Variants in AGTPBP1 observed in about 807,000 individuals in gnomAD.
AGTPBP1 encodes the protein ATP/GTP binding carboxypeptidase 1.
A neutral mutation model predicts 143.9 loss-of-function variants in AGTPBP1; 70 were observed. The observed-to-expected ratio is 0.49, with a 90% CI of 0.40 to 0.59. AGTPBP1 has a LOEUF of 0.59. Ranked by LOEUF, AGTPBP1 falls within the 20% of genes least tolerant of loss-of-function variation. AGTPBP1 has a pLI of 0.00. For missense variants in AGTPBP1, 1,229 were observed against 1,464.5 expected, an observed-to-expected ratio of 0.84 and a Z score of 2.62; for synonymous variants, 463 against 500.2, an observed-to-expected ratio of 0.93 and a Z score of 0.99.
At chr9:85,645,616 A>G (rs1832765055) in intron 12 of AGTPBP1, among the ~76,000 whole-genome samples, 1 of 152,166 alleles carries the variant, frequency 6.6e-6, no homozygotes, top group African/African-American at 2.4e-5. Context: ...TTGCAAGACA[A>G]AAATTGGTCC....
At chr9:85,559,959 G>A (rs777171185) in intron 25 of AGTPBP1, among the ~76,000 whole-genome samples, 10 of 152,044 alleles carry the variant, frequency 6.6e-5, no homozygotes, top group Non-Finnish European at 1.5e-4. Flanking sequence ...ATAAATCTCC[G>A]TATTTTCACT....
chr9:85,777,150 G>GTGAGTAACT, the AGTPBP1 span, among the ~76,000 whole-genome samples: 5 of 152,160 alleles, frequency 3.3e-5, no homozygotes. Flanking sequence ...TAGCCATAAA[G>GTGAGTAACT]TGAGTAACTT....
At chr9:85,620,663 C>G (rs1008562679) in intron 15 of AGTPBP1, among the ~76,000 whole-genome samples, 1 of 152,018 alleles carries the variant, frequency 6.6e-6, no homozygotes, top group Non-Finnish European at 1.5e-5. Flanking sequence ...TAGTAAATGA[C>G]TAACACATCA....
chr9:85,709,934 A>G (rs907579574), intron 2 of AGTPBP1, among the ~76,000 whole-genome samples: 3 of 152,132 alleles, frequency 2.0e-5, no homozygotes, highest in Non-Finnish European at 4.4e-5. Flanking sequence ...TAATCTATCT[A>G]ATTAGAATCT....
At position 85,547,013 on chromosome 9, in the gene AGTPBP1, C is replaced by A; in HGVS notation, c.*96G>T. 7.8e-7 allele frequency: 1 copy of A among 1,283,624 alleles called. No homozygotes were observed. The highest frequency in any genetic ancestry group is 2.2e-5 in the South Asian group (1 of 46,244). The allele number at this position is 1,283,624 out of a possible 1,614,324, so 79.5% of individuals were successfully genotyped here. A position where few individuals can be genotyped will look rare whatever the true frequency, so the allele number is the denominator to read the frequency against. ...CAAGTTACTTTTTGTCTTTTTGAGT[C>A]AGCTCTGTATAAACTCATTTCTCTC... is the stretch of plus-strand genomic sequence containing the variant. On this transcript the variant is annotated 3_prime_UTR_variant, in exon 26 of 26. Transcript: ENST00000357081.
the AGTPBP1 span, among the ~76,000 whole-genome samples, chr9:85,769,615 C>T: frequency 4.6e-5 from 7 of 151,958 alleles, no homozygotes; most frequent in East Asian, 1.4e-3. Flanking sequence ...ATTACGTTGC[C>T]CTATTTTTAA....
Position 85,585,529 on chromosome 9 carries a change from T to C in AGTPBP1, c.3099A>G (p.Lys1033=). 1 of 1,611,776 alleles carries C rather than the reference T, an allele frequency of 6.2e-7. No individual in the cohort carries two copies. Among genetic ancestry groups the C allele is most frequent in the South Asian group, 1.1e-5 (1 of 90,700 alleles). The part of the protein sequence containing the change: ...KNVFMYGCSI[K]ETVWHTNDNA... Reference sequence around the variant, plus strand: ...TATCATTGGTATGCCACACTGTCTCTTTGATGCTGCAACCATACATAAATA... The same window carrying C: ...TATCATTGGTATGCCACACTGTCTCCTTGATGCTGCAACCATACATAAATA... The change falls in exon 23 of 26, where the codon AAA becomes AAG. Residue 1033 remains lysine, a synonymous_variant. Coordinates refer to ENST00000357081, the MANE Select transcript of AGTPBP1 (RefSeq NM_001330701.2).
At chr9:85,693,087 A>G (rs1204792122) in intron 2 of AGTPBP1, among the ~76,000 whole-genome samples, 1 of 152,186 alleles carries the variant, frequency 6.6e-6, no homozygotes, top group Non-Finnish European at 1.5e-5. Context: ...TCACACCTGG[A>G]AAGTTCACCT....
At chr9:85,600,599 GA>G (rs1268842287) in intron 17 of AGTPBP1, among the ~76,000 whole-genome samples, 3 of 152,118 alleles carry the variant, frequency 2.0e-5, no homozygotes, top group Non-Finnish European at 4.4e-5. Flanking sequence ...GGGTAAGTGA[GA>G]TTCTCAGTGG....
chr9:85,692,272 ATT>A (rs1255296569), intron 3 of AGTPBP1, among the ~76,000 whole-genome samples: 68 of 135,722 alleles, frequency 5.0e-4, no homozygotes, highest in Admixed American at 6.0e-4. Context: ...AGAAAGTTTG[ATT>A]TTTTTTTTTT....
At chr9:85,612,423 C>T (rs1830367649) in intron 17 of AGTPBP1, among the ~76,000 whole-genome samples, 1 of 152,206 alleles carries the variant, frequency 6.6e-6, no homozygotes, top group Admixed American at 6.5e-5. Flanking sequence ...AAGGGTGGGG[C>T]ACTCCAACTC....
chr9:85,717,406 G>GT (rs1317336211), intron 1 of AGTPBP1, among the ~76,000 whole-genome samples: 1 of 152,194 alleles, frequency 6.6e-6, no homozygotes, highest in Non-Finnish European at 1.5e-5. Flanking sequence ...GGAAACTGAG[G>GT]TGTGACAACC....
chr9:85,759,113 T>C, the AGTPBP1 span, among the ~76,000 whole-genome samples: 1 of 152,124 alleles, frequency 6.6e-6, no homozygotes, highest in Non-Finnish European at 1.5e-5. Flanking sequence ...GCACTCAGAT[T>C]CATAAAGCAA....
At chr9:85,721,144 T>C (rs1386995889) in intron 1 of AGTPBP1, among the ~76,000 whole-genome samples, 1 of 152,212 alleles carries the variant, frequency 6.6e-6, no homozygotes, top group Non-Finnish European at 1.5e-5. Flanking sequence ...TATATTCCGT[T>C]GATTTGGGAT....
chr9:85,753,479 G>C, the AGTPBP1 span: 1 of 1,599,062 alleles, frequency 6.3e-7, no homozygotes, highest in Non-Finnish European at 8.5e-7. Flanking sequence ...TGTCTAAATA[G>C]AGGTAAACTC....
intron 1 of AGTPBP1, among the ~76,000 whole-genome samples, chr9:85,720,794 G>C (rs560804526): frequency 1.3e-5 from 2 of 152,044 alleles, no homozygotes; most frequent in Non-Finnish European, 2.9e-5. Flanking sequence ...TTCTCTTGTG[G>C]GCATTTAGTG....
chr9:85,696,448 G>A (rs528048410), intron 2 of AGTPBP1, among the ~76,000 whole-genome samples: 10 of 152,054 alleles, frequency 6.6e-5, no homozygotes, highest in South Asian at 4.1e-4. Context: ...TGGGCAGATC[G>A]CTTGAGGTCG....
At chr9:85,771,628 G>A in the AGTPBP1 span, among the ~76,000 whole-genome samples, 4 of 151,796 alleles carry the variant, frequency 2.6e-5, no homozygotes, top group Non-Finnish European at 4.4e-5. Context: ...GTAGAAAGAT[G>A]GTGGAGTGCT....
intron 12 of AGTPBP1, among the ~76,000 whole-genome samples, chr9:85,643,220 A>C (rs754114850): frequency 6.6e-6 from 1 of 152,216 alleles, no homozygotes; most frequent in Non-Finnish European, 1.5e-5. Flanking sequence ...TGTAAAGATC[A>C]AGACTCCATT....
Sources: gnomAD v4.1 joint callset for allele counts (sites outside exome capture counted in the v4.1 genomes callset) on GRCh38, gnomAD v4.1.1 for gene constraint, MANE v1.5 for transcripts, NCBI Gene and HGNC (gene_info 2026-07-23, HGNC 2026-07-21) for gene names.